Variants in GLIS1 observed in about 807,000 individuals in gnomAD.
GLIS1 encodes zinc finger protein GLIS1.
GLIS1 carries 24 observed loss-of-function variants against 63.8 expected under a neutral mutation model. The ratio of observed to expected loss-of-function variants is 0.38; its 90% CI spans 0.27 to 0.53. The LOEUF (loss-of-function observed/expected upper bound fraction) is 0.53, where lower values mean the gene tolerates loss of function less well. Among genes scored for constraint, GLIS1 ranks in the 20% least tolerant of loss-of-function variants. GLIS1 has a pLI of 0.85. For missense variants in GLIS1, 1,036 were observed against 1,074.1 expected, an observed-to-expected ratio of 0.96 and a Z score of 0.50; for synonymous variants, 450 against 482.5, an observed-to-expected ratio of 0.93 and a Z score of 0.88.
At chr1:53,677,223 C>T (rs968310657) in intron 2 of GLIS1, among the ~76,000 whole-genome samples, 3 of 151,760 alleles carry the variant, frequency 2.0e-5, no homozygotes, top group African/African-American at 4.8e-5. Context: ...ATGGGAGTTA[C>T]GGTTGCTACA....
At chr1:53,734,338 C>G (rs1036387555) in intron 2 of GLIS1, 5 of 299,424 alleles carry the variant, frequency 1.7e-5, no homozygotes, top group African/African-American at 1.1e-4. Flanking sequence ...ATACTAGTTA[C>G]CAATTCCCAA....
chr1:53,701,527 T>C (rs1023318866), intron 2 of GLIS1, among the ~76,000 whole-genome samples: 1 of 152,184 alleles, frequency 6.6e-6, no homozygotes, highest in Non-Finnish European at 1.5e-5. Flanking sequence ...TGTGGCCCCA[T>C]TTTACAGGTG....
intron 9 of GLIS1, among the ~76,000 whole-genome samples, chr1:53,509,607 G>A (rs761245883): frequency 3.3e-5 from 5 of 152,242 alleles, no homozygotes; most frequent in South Asian, 2.1e-4. Flanking sequence ...TCAGGGCAGC[G>A]GGCCTTTGCT....
chr1:53,538,922 G>C lies in GLIS1; in HGVS notation c.1321-8970C>G, dbSNP rs114793734. Among the ~76,000 whole-genome samples the C allele has an allele frequency of 8.8e-3, 1,346 of 152,228 alleles. 13 individuals are homozygous for C. Among genetic ancestry groups the C allele is most frequent in the African/African-American group, 0.031 (1,273 of 41,518 alleles). ...AAGGATCAAGAGAGTCACCCTTCCA[G>C]GGCATGTGGAACCCCCGAAAGTAGG... is the stretch of plus-strand genomic sequence containing the variant. On this transcript the variant is annotated intron_variant, in intron 4 of 10. Transcript: ENST00000628545.
intron 2 of GLIS1, among the ~76,000 whole-genome samples, chr1:53,602,355 C>A (rs1347100945): frequency 2.0e-5 from 3 of 152,060 alleles, no homozygotes; most frequent in Middle Eastern, 3.2e-3. Context: ...TGGGACTGGG[C>A]CTCAGAAAAC....
At chr1:53,575,223 C>T (rs1007366300) in intron 4 of GLIS1, among the ~76,000 whole-genome samples, 26 of 152,166 alleles carry the variant, frequency 1.7e-4, no homozygotes, top group African/African-American at 5.5e-4. Context: ...CTGGCCCTCA[C>T]GGGGAACAGG....
intron 4 of GLIS1, among the ~76,000 whole-genome samples, chr1:53,586,965 ACT>A: frequency 7.5e-6 from 1 of 133,700 alleles, no homozygotes; most frequent in South Asian, 2.5e-4. Context: ...GTTAGGAACC[ACT>A]GTTACACACA....
rs1036093593 is a variant in GLIS1, at chr1:53,539,318, C to T, written c.1321-9366G>A. ...CACACACTACACCTAAACACACACA[C>T]CCCAATTCACCCACACATACCATAT... On this transcript the variant is annotated intron_variant, in intron 4 of 10. Transcript: ENST00000628545. This position sits in a 1 kb window ranked among gnomAD's most constrained non-coding sequence, Gnocchi z 5.0. Among the ~76,000 whole-genome samples, 4 of 150,294 alleles carry T rather than the reference C, an allele frequency of 2.7e-5. No homozygotes were observed. Among genetic ancestry groups the T allele is most frequent in the African/African-American group, 9.8e-5 (4 of 40,766 alleles).
intron 2 of GLIS1, among the ~76,000 whole-genome samples, chr1:53,680,571 T>C (rs1201334327): frequency 6.6e-6 from 1 of 152,252 alleles, no homozygotes; most frequent in African/African-American, 2.4e-5. Context: ...GAAAGTGTTC[T>C]GTGAACTGTA....
rs1403254243 is a variant in GLIS1, at chr1:53,594,135, G to A, written c.1293C>T (p.His431=). 1 of 1,612,600 alleles carries A rather than the reference G, an allele frequency of 6.2e-7. No homozygotes were observed. Among genetic ancestry groups the A allele is most frequent in the East Asian group, 2.2e-5 (1 of 44,828 alleles). The part of the protein sequence containing the change: ...RYKLLIHMRV[H]SGEKPNKCMF... ...TGCACTTGTTGGGCTTCTCGCCCGA[G>A]TGCACTCGCATGTGGATGAGCAGCT... Residue 431 remains histidine, a synonymous_variant, in exon 4 of 11, where the codon CAC becomes CAT. Coordinates refer to ENST00000628545, the MANE Select transcript of GLIS1 (RefSeq NM_001367484.1).
intron 2 of GLIS1, among the ~76,000 whole-genome samples, chr1:53,625,144 A>G (rs1265683086): frequency 6.6e-6 from 1 of 152,228 alleles, no homozygotes; most frequent in Non-Finnish European, 1.5e-5. Flanking sequence ...CTTCATTAGT[A>G]TTGACCTCCT....
chr1:53,709,620 T>A (rs1394265206), intron 2 of GLIS1, among the ~76,000 whole-genome samples: 1 of 151,986 alleles, frequency 6.6e-6, no homozygotes, highest in Non-Finnish European at 1.5e-5. Flanking sequence ...CTCATTCATA[T>A]TTACTCTCCG....
intron 7 of GLIS1, among the ~76,000 whole-genome samples, chr1:53,516,551 G>A (rs986481618): frequency 1.3e-5 from 2 of 151,786 alleles, no homozygotes; most frequent in African/African-American, 4.8e-5. Flanking sequence ...AAAAAAACAA[G>A]CCTGTAATCC....
intron 2 of GLIS1, among the ~76,000 whole-genome samples, chr1:53,722,552 A>G (rs943472630): frequency 6.6e-6 from 1 of 152,140 alleles, no homozygotes; most frequent in Non-Finnish European, 1.5e-5. Context: ...ATAAAACGTA[A>G]TATGCAGGCC....
chr1:53,730,225 G>T (rs181804669), intron 2 of GLIS1, among the ~76,000 whole-genome samples: 1 of 152,238 alleles, frequency 6.6e-6, no homozygotes, highest in East Asian at 1.9e-4. Flanking sequence ...TAGGACAAAA[G>T]TATTCGGTGG....
intron 2 of GLIS1, among the ~76,000 whole-genome samples, chr1:53,624,691 C>T (rs1032752437): frequency 2.6e-5 from 4 of 151,984 alleles, no homozygotes; most frequent in Admixed American, 6.6e-5. Context: ...CAGGCATGTA[C>T]CACCATGCCC....
At chr1:53,566,433 AT>A (rs1644937251) in intron 4 of GLIS1, among the ~76,000 whole-genome samples, 1 of 152,366 alleles carries the variant, frequency 6.6e-6, no homozygotes, top group Admixed American at 6.5e-5. Context: ...TTACTTTCCT[AT>A]ATATCAGCAA....
intron 7 of GLIS1, among the ~76,000 whole-genome samples, chr1:53,518,975 G>A (rs1041786319): frequency 3.3e-5 from 5 of 152,202 alleles, no homozygotes; most frequent in South Asian, 2.1e-4. Flanking sequence ...TAAAACTGAC[G>A]GGGTAGGTAC....
intron 2 of GLIS1, among the ~76,000 whole-genome samples, chr1:53,623,615 T>C (rs1163053344): frequency 2.0e-5 from 3 of 152,200 alleles, no homozygotes; most frequent in East Asian, 1.9e-4. Flanking sequence ...GATAACATGA[T>C]TGTTTACATA....
Sources: allele counts gnomAD v4.1 joint callset (sites outside exome capture counted in the v4.1 genomes callset), GRCh38; gene constraint gnomAD v4.1.1; non-coding constraint Gnocchi (gnomAD v3.1); transcripts MANE v1.5; gene names NCBI Gene and HGNC (gene_info 2026-07-23, HGNC 2026-07-21).